The following ZC3H3 variants were observed in gnomAD, a reference collection of about 807,000 sequenced individuals.
The protein encoded by ZC3H3 is zinc finger CCCH domain-containing protein 3.
A neutral mutation model predicts 77.3 loss-of-function variants in ZC3H3; 36 were observed. The ratio of observed to expected loss-of-function variants is 0.47; its 90% CI spans 0.36 to 0.61. The LOEUF (loss-of-function observed/expected upper bound fraction) is 0.61. Among genes scored for constraint, ZC3H3 ranks in the 20% least tolerant of loss-of-function variants. ZC3H3 has a pLI of 0.00. For missense variants in ZC3H3, 1,331 were observed against 1,312.2 expected, an observed-to-expected ratio of 1.01 and a Z score of -0.22; for synonymous variants, 626 against 555.2, an observed-to-expected ratio of 1.13 and a Z score of -1.79.
intron 5 of ZC3H3, among the ~76,000 whole-genome samples, chr8:143,470,370 G>C (rs947536964): frequency 6.6e-6 from 1 of 152,230 alleles, no homozygotes; most frequent in East Asian, 1.9e-4. Context: ...TGAGGCGTGT[G>C]GGGGGCCAGG....
chr8:143,519,429 A>G (rs554062291), intron 3 of ZC3H3, among the ~76,000 whole-genome samples: 1 of 152,304 alleles, frequency 6.6e-6, no homozygotes, highest in Admixed American at 6.5e-5. Context: ...TCTTTCGGTA[A>G]GATGAGCTCA....
At chr8:143,537,172 G>A (rs574845368) in intron 2 of ZC3H3, among the ~76,000 whole-genome samples, 1 of 152,306 alleles carries the variant, frequency 6.6e-6, no homozygotes, top group Admixed American at 6.5e-5. Context: ...ACCAAGCACT[G>A]TGCCATGACA....
In ZC3H3 at chr8:143,460,210, T is replaced by C. The variant is rs919281745; in HGVS notation, c.2307+5507A>G. 4.6e-5 allele frequency among the ~76,000 whole-genome samples: 7 copies of C among 151,872 alleles called. No individual in the cohort carries two copies. The highest frequency in any genetic ancestry group is 1.0e-4 in the Non-Finnish European group (7 of 67,966). On this transcript the variant is annotated intron_variant, in intron 9 of 11. Coordinates refer to ENST00000262577, the MANE Select transcript of ZC3H3 (RefSeq NM_015117.3). This position sits in a 1 kb window ranked among gnomAD's most constrained non-coding sequence, Gnocchi z 4.0. Reference sequence around the variant, plus strand: ...TTGCAGTGAGCCGAGATCATGCCATTGCACTCCAGCCTGGGCGACAGAGTG... The same window carrying C: ...TTGCAGTGAGCCGAGATCATGCCATCGCACTCCAGCCTGGGCGACAGAGTG...
At chr8:143,499,432 CCT>C (rs1821458782) in intron 4 of ZC3H3, among the ~76,000 whole-genome samples, 1 of 152,136 alleles carries the variant, frequency 6.6e-6, no homozygotes, top group Non-Finnish European at 1.5e-5. Context: ...GGGTCTTGCC[CCT>C]CTGTCCTGAG....
Position 143,536,354 on chromosome 8 carries a change from A to G in ZC3H3, c.1464T>C (p.Pro488=). The part of the protein sequence containing the change: ...RRQALRGKSS[P]VLKKTPNKGL... ...CCTTGTTGGGGGTCTTCTTCAGGAC[A>G]GGGCTGCTCTTCCCCCTGAGGGCCT... The change falls in exon 3 of 12, where the codon CCT becomes CCC. Residue 488 remains proline (P), a synonymous_variant. Coordinates refer to ENST00000262577, the MANE Select transcript of ZC3H3 (RefSeq NM_015117.3). The G allele has an allele frequency of 6.2e-7, 1 of 1,606,100 alleles. No homozygotes were observed. Among genetic ancestry groups the G allele is most frequent in the Non-Finnish European group, 8.5e-7 (1 of 1,176,578 alleles).
rs549795405 is a variant in ZC3H3 at position 143,494,221 on chromosome 8, C to T, written c.1715+13525G>A. 6.6e-6 allele frequency among the ~76,000 whole-genome samples: 1 copy of T among 152,306 alleles called. No homozygotes were observed. Among genetic ancestry groups the T allele is most frequent in the South Asian group, 2.1e-4 (1 of 4,828 alleles). On this transcript the variant is annotated intron_variant, in intron 4 of 11. Transcript: ENST00000262577. This position sits in a 1 kb window ranked among gnomAD's most constrained non-coding sequence, Gnocchi z 5.3. ...ACACAGAGGCCCAGAGCGCCCTGGA[C>T]CCAGCTTCAACAGAGACTTCCTGCC...
intron 4 of ZC3H3, among the ~76,000 whole-genome samples, chr8:143,481,019 A>G (rs413208): frequency 1 from 152,064 of 152,334 alleles, 75,897 homozygotes; most frequent in East Asian, 1. Flanking sequence ...CAAAAGCTGT[A>G]TCTTCCGATT....
chr8:143,480,831 G>C (rs1167810857), intron 4 of ZC3H3, among the ~76,000 whole-genome samples: 1 of 152,232 alleles, frequency 6.6e-6, no homozygotes, highest in African/African-American at 2.4e-5. Flanking sequence ...ACACTGGCAT[G>C]GCAGGAAGGC....
At chr8:143,467,206 G>A (rs1456738128) in intron 8 of ZC3H3, among the ~76,000 whole-genome samples, 1 of 152,210 alleles carries the variant, frequency 6.6e-6, no homozygotes, top group Non-Finnish European at 1.5e-5. Flanking sequence ...AAAAAGGGAT[G>A]ATAAAGCCAA....
intron 4 of ZC3H3, among the ~76,000 whole-genome samples, chr8:143,491,508 A>G (rs1382972544): frequency 2.0e-5 from 3 of 152,246 alleles, no homozygotes; most frequent in Non-Finnish European, 4.4e-5. Flanking sequence ...CCAGCCCAAA[A>G]GGGCAAAGCA....
At chr8:143,479,170 G>A (rs902071752) in intron 4 of ZC3H3, among the ~76,000 whole-genome samples, 30 of 152,222 alleles carry the variant, frequency 2.0e-4, no homozygotes, top group African/African-American at 7.2e-4. Flanking sequence ...GGGGGTGACG[G>A]AGAGCTGTCT....
chr8:143,448,057 G>C (rs147110858), intron 9 of ZC3H3, among the ~76,000 whole-genome samples: 45 of 152,262 alleles, frequency 3.0e-4, no homozygotes, highest in African/African-American at 9.9e-4. Flanking sequence ...CCCGAGAGGC[G>C]GGGGGTTGCG....
intron 8 of ZC3H3, among the ~76,000 whole-genome samples, chr8:143,466,535 G>T (rs572702788): frequency 6.6e-6 from 1 of 152,350 alleles, no homozygotes; most frequent in South Asian, 2.1e-4. Flanking sequence ...CCTCCCATTT[G>T]GGGGAACCTC....
chr8:143,439,591 T>A (rs1398257903), intron 11 of ZC3H3, among the ~76,000 whole-genome samples: 1 of 152,172 alleles, frequency 6.6e-6, no homozygotes, highest in Non-Finnish European at 1.5e-5. Flanking sequence ...GTGGTGATCT[T>A]CCAGAACAAA....
intron 4 of ZC3H3, among the ~76,000 whole-genome samples, chr8:143,495,684 C>G (rs973943091): frequency 6.6e-6 from 1 of 151,998 alleles, no homozygotes; most frequent in Non-Finnish European, 1.5e-5. Context: ...TGGGCTCAAG[C>G]GATCCTCCTG....
intron 4 of ZC3H3, among the ~76,000 whole-genome samples, chr8:143,503,270 G>C (rs1821582364): frequency 6.6e-6 from 1 of 152,158 alleles, no homozygotes; most frequent in Non-Finnish European, 1.5e-5. Context: ...TCTGCCCTTG[G>C]CATACAGGCA....
chr8:143,502,364 C>T (rs1260864406), intron 4 of ZC3H3, among the ~76,000 whole-genome samples: 2 of 152,276 alleles, frequency 1.3e-5, no homozygotes, highest in Admixed American at 1.3e-4. Flanking sequence ...GGGAGCGCAG[C>T]ATCGCAGTGA....
rs563668231 is a variant in ZC3H3 at position 143,507,747 on chromosome 8, T to C, written c.1714A>G (p.Arg572Gly). The change falls in exon 4 of 12, where the codon AGG becomes GGG. Residue 572 changes from arginine (R) to glycine (G), a missense_variant and splice_region_variant. Arg to Gly is a moderately radical substitution (Grantham distance 125). This residue lies in a region of ZC3H3 where 978 missense variants were observed against 915.5 expected (regional missense o/e 1.07). Coordinates refer to ENST00000262577, the MANE Select transcript of ZC3H3 (RefSeq NM_015117.3). ...GGAGCCTGCAGGAAGCCTTCCTACC[T>C]GGATAGTGAGAGCCGCCGGGCCCGC... is the stretch of plus-strand genomic sequence containing the variant. ...SWRARRLSLS[R>G]SLVLNRLRPV... 22 of 1,570,122 alleles carry C rather than the reference T, an allele frequency of 1.4e-5. No individual in the cohort carries two copies. The South Asian group carries it at 2.4e-4, about 17-fold the overall frequency.
intron 5 of ZC3H3, among the ~76,000 whole-genome samples, chr8:143,473,065 CGTCA>C (rs1379811983): frequency 1.3e-5 from 2 of 152,218 alleles, no homozygotes; most frequent in African/African-American, 2.4e-5. Context: ...CTCTCGCGTA[CGTCA>C]GGACATCATG....
Sources: gnomAD v4.1 joint callset for allele counts (sites outside exome capture counted in the v4.1 genomes callset) on GRCh38, gnomAD v4.1.1 for gene constraint, gnomAD v4.1.1 regional missense constraint, Gnocchi (gnomAD v3.1) non-coding constraint, MANE v1.5 for transcripts, NCBI Gene and HGNC (gene_info 2026-07-23, HGNC 2026-07-21) for gene names.